Variants in PARD3 observed in about 807,000 individuals in gnomAD.
The protein encoded by PARD3 is par-3 family cell polarity regulator, also known as partitioning defective 3 homolog.
In PARD3, 75 loss-of-function variants were observed where a neutral mutation model predicts 155.4. That is an observed-to-expected ratio of 0.48 (90% CI 0.40 to 0.58). The LOEUF is 0.58. Ranked by LOEUF, PARD3 falls within the 20% of genes least tolerant of loss-of-function variation. PARD3 has a pLI of 0.00. For synonymous variants in PARD3, 576 were observed against 610.5 expected (o/e 0.94, Z 0.83); for missense variants, 1,642 against 1,721.7 (o/e 0.95, Z 0.82).
At chr10:34,443,449 G>A (rs544382906) in intron 5 of PARD3, among the ~76,000 whole-genome samples, 1 of 152,294 alleles carries the variant, frequency 6.6e-6, no homozygotes, top group East Asian at 1.9e-4. Context: ...AAAAGGAAGA[G>A]GTTTAATGGA....
chr10:34,123,248 A>G (rs7918565), intron 23 of PARD3, among the ~76,000 whole-genome samples: 39,396 of 152,142 alleles, frequency 0.26, 5,443 homozygotes, highest in Middle Eastern at 0.39. Flanking sequence ...CATGATATGT[A>G]AATCTCTTCA....
chr10:34,354,142 A>C (rs934049333), intron 14 of PARD3, among the ~76,000 whole-genome samples: 2 of 150,606 alleles, frequency 1.3e-5, no homozygotes, highest in African/African-American at 2.4e-5. Flanking sequence ...AAAAAAAAAA[A>C]CAAAAAAAAA....
At chr10:34,347,714 C>G (rs1837577380) in intron 15 of PARD3, among the ~76,000 whole-genome samples, 1 of 152,138 alleles carries the variant, frequency 6.6e-6, no homozygotes, top group African/African-American at 2.4e-5. Flanking sequence ...CATATGATCC[C>G]TTTCTTTTTG....
chr10:34,394,686 T>G (rs529397053), intron 7 of PARD3, among the ~76,000 whole-genome samples: 1 of 152,218 alleles, frequency 6.6e-6, no homozygotes, highest in Non-Finnish European at 1.5e-5. Flanking sequence ...CAATTTTATA[T>G]GTTGCTTTTT....
chr10:34,111,626 G>A, intron 24 of PARD3, 64 bp from the exon 25 acceptor site: 2 of 1,337,848 alleles, frequency 1.5e-6, no homozygotes, highest in Non-Finnish European at 1.0e-6. Context: ...GAGGAAAGGG[G>A]GCAGGATGGG....
intron 12 of PARD3, among the ~76,000 whole-genome samples, chr10:34,369,250 C>T (rs1000449600): frequency 2.6e-5 from 4 of 151,998 alleles, no homozygotes; most frequent in African/African-American, 9.7e-5. Context: ...GAATGTGGCC[C>T]AACACAAATT....
intron 22 of PARD3, among the ~76,000 whole-genome samples, chr10:34,169,094 C>G (rs1255108460): frequency 2.0e-5 from 3 of 152,156 alleles, no homozygotes; most frequent in Non-Finnish European, 4.4e-5. Context: ...CACACTTTCC[C>G]CTTTGAATAG....
intron 2 of PARD3, among the ~76,000 whole-genome samples, chr10:34,620,753 T>TA (rs1690040591): frequency 6.6e-6 from 1 of 152,232 alleles, no homozygotes; most frequent in Non-Finnish European, 1.5e-5. Flanking sequence ...GGAAATTTCT[T>TA]AGTCAAAAAG....
chr10:34,337,531 T>C (rs1478378559), intron 16 of PARD3, 105 bp from the exon 17 acceptor site: 11 of 520,834 alleles, frequency 2.1e-5, no homozygotes, highest in Non-Finnish European at 3.0e-6. Context: ...CATATGTATA[T>C]TCCTCAAGAA....
chr10:34,767,523 A>G (rs1838250099), intron 1 of PARD3, among the ~76,000 whole-genome samples: 1 of 152,048 alleles, frequency 6.6e-6, no homozygotes, highest in Non-Finnish European at 1.5e-5. Context: ...TGAGCTAATG[A>G]GAGGTTACTT....
chr10:34,411,806 T>C (rs1845100843), intron 5 of PARD3, among the ~76,000 whole-genome samples: 1 of 152,134 alleles, frequency 6.6e-6, no homozygotes, highest in Non-Finnish European at 1.5e-5. Context: ...ACCAGTTCTG[T>C]TTCTCTGAAA....
At chr10:34,496,853 G>A (rs980037188) in intron 3 of PARD3, among the ~76,000 whole-genome samples, 1 of 152,106 alleles carries the variant, frequency 6.6e-6, no homozygotes, top group African/African-American at 2.4e-5. Context: ...TATAGCTTAA[G>A]TATTTTTGTT....
At chr10:34,760,066 T>C (rs1311924387) in intron 1 of PARD3, among the ~76,000 whole-genome samples, 2 of 152,198 alleles carry the variant, frequency 1.3e-5, no homozygotes, top group African/African-American at 4.8e-5. Flanking sequence ...CTTAGCCAAC[T>C]ATATTATGTA....
Position 34,110,141 on chromosome 10 carries a change from C to T in PARD3, c.*1028G>A, listed in dbSNP as rs3004925. On this transcript the variant is annotated 3_prime_UTR_variant, in exon 25 of 25. Transcript: ENST00000374788. ...TTCATGGCAGAACTACTTAGGAGCG[C>T]GGCATCGCCAGTCAGACATGCAGTG... is the stretch of plus-strand genomic sequence containing the variant. 0.94 allele frequency: 142,597 copies of T among 152,268 alleles called. 66,852 individuals carry two copies. The highest frequency in any genetic ancestry group is 1 in the East Asian group (5,166 of 5,166). The allele number at this position is 152,268 out of a possible 1,614,324, so 9.4% of individuals were successfully genotyped here.
chr10:34,648,356 G>A (rs1467730660), intron 2 of PARD3, among the ~76,000 whole-genome samples: 2 of 152,184 alleles, frequency 1.3e-5, no homozygotes, highest in African/African-American at 4.8e-5. Flanking sequence ...TGCCGTGAAT[G>A]GCTCATCTTT....
intron 2 of PARD3, among the ~76,000 whole-genome samples, chr10:34,658,124 C>T (rs1161327340): frequency 1.2e-4 from 18 of 147,584 alleles, no homozygotes; most frequent in African/African-American, 3.8e-4. Flanking sequence ...CCAGCCTGGG[C>T]GACAGATCAA....
intron 15 of PARD3, chr10:34,344,106 A>G: frequency 1.9e-5 from 18 of 969,678 alleles, no homozygotes; most frequent in Non-Finnish European, 2.2e-5. Context: ...GATACAACAG[A>G]TTTCAGTTTT....
chr10:34,713,843 T>C (rs965669358), intron 1 of PARD3, among the ~76,000 whole-genome samples: 1 of 152,090 alleles, frequency 6.6e-6, no homozygotes, highest in African/African-American at 2.4e-5. Context: ...GGCAGAGATC[T>C]CCTGCCTCTC....
At chr10:34,390,816 G>GT (rs568364016) in intron 7 of PARD3, among the ~76,000 whole-genome samples, 7 of 151,980 alleles carry the variant, frequency 4.6e-5, no homozygotes, top group Admixed American at 1.3e-4. Context: ...AAACAATATA[G>GT]TTTTTTTTGT....
Sources: gnomAD v4.1 joint callset for allele counts (sites outside exome capture counted in the v4.1 genomes callset) on GRCh38, gnomAD v4.1.1 for gene constraint, MANE v1.5 for transcripts, NCBI Gene and HGNC (gene_info 2026-07-23, HGNC 2026-07-21) for gene names.